The following RPH3A variants were observed in gnomAD, a reference collection of about 807,000 sequenced individuals.
RPH3A encodes rabphilin 3A.
A neutral mutation model predicts 102.2 loss-of-function variants in RPH3A; 48 were observed. That is an observed-to-expected ratio of 0.47 (90% CI 0.37 to 0.60). RPH3A has a LOEUF of 0.60. Among genes scored for constraint, RPH3A ranks in the 20% least tolerant of loss-of-function variants. The pLI, the probability that RPH3A is intolerant of heterozygous loss-of-function variation, is 0.00. For synonymous variants in RPH3A, 310 were observed against 324.3 expected, an observed-to-expected ratio of 0.96 and a Z score of 0.47; for missense variants, 781 against 910.1, an observed-to-expected ratio of 0.86 and a Z score of 1.83.
intron 4 of RPH3A, 106 bp from the exon 5 acceptor site, chr12:112,847,590 G>A: frequency 8.0e-7 from 1 of 1,252,060 alleles, no homozygotes; most frequent in Non-Finnish European, 1.1e-6. Context: ...GAAGCTCTGA[G>A]AGAGATGATC....
At chr12:112,796,076 A>T (rs2041222392) in intron 2 of RPH3A, among the ~76,000 whole-genome samples, 1 of 151,306 alleles carries the variant, frequency 6.6e-6, no homozygotes, top group Admixed American at 6.6e-5. Context: ...GCAGGTCCCC[A>T]TAACTCAGTT....
intron 1 of RPH3A, among the ~76,000 whole-genome samples, chr12:112,668,715 T>C (rs1313932207): frequency 6.6e-6 from 1 of 152,072 alleles, no homozygotes; most frequent in Non-Finnish European, 1.5e-5. Flanking sequence ...CACATGGGGC[T>C]TAAAACCTAG....
At position 112,896,909 on chromosome 12, in the gene RPH3A, T is replaced by A; in HGVS notation, c.*129T>A. 3.0e-6 allele frequency: 3 copies of A among 997,090 alleles called. No individual in the cohort carries two copies. Among genetic ancestry groups the A allele is most frequent in the Non-Finnish European group, 4.4e-6 (3 of 683,544 alleles). The allele number at this position is 997,090 out of a possible 1,614,324, so 61.8% of individuals were successfully genotyped here. A position where few individuals can be genotyped will look rare whatever the true frequency, so the allele number is the denominator to read the frequency against. On this transcript the variant is annotated 3_prime_UTR_variant, in exon 22 of 22. Transcript: ENST00000389385. ...CCCTGCTGATCTCCCTGAGCCTGCCTTTGAGCCCCCGTCACGTTGGGCACT... is the reference window on the plus strand; with the variant it reads ...CCCTGCTGATCTCCCTGAGCCTGCCATTGAGCCCCCGTCACGTTGGGCACT...
At chr12:112,891,060 A>G (rs2043087641) in intron 19 of RPH3A, 57 bp downstream of exon 19, 1 of 1,591,290 alleles carries the variant, frequency 6.3e-7, no homozygotes. Flanking sequence ...GAGCCTTGGA[A>G]AAGGAGAACC....
rs1271221176 is a variant in RPH3A at position 112,868,613 on chromosome 12, C to T, written c.610+18C>T. ...AGCTCGAGGTAGGACAAAACAGGTG[C>T]TTCTTTCAGGACCAAGGACAGATCT... On this transcript the variant is annotated intron_variant, in intron 8 of 21. Transcript: ENST00000389385. 6.2e-7 allele frequency: 1 copy of T among 1,611,220 alleles called. No homozygotes were observed. The highest frequency in any genetic ancestry group is 1.3e-5 in the African/African-American group (1 of 74,922).
intron 1 of RPH3A, among the ~76,000 whole-genome samples, chr12:112,621,007 A>T (rs1353567521): frequency 8.3e-4 from 118 of 142,020 alleles, no homozygotes; most frequent in African/African-American, 3.2e-3. Context: ...TTTTAACATT[A>T]TTATTTTTTT....
intron 6 of RPH3A, 60 bp from the exon 7 acceptor site, chr12:112,866,697 G>C: frequency 7.1e-7 from 1 of 1,414,754 alleles, no homozygotes; most frequent in Non-Finnish European, 9.9e-7. Flanking sequence ...GGGGGGCTAC[G>C]TTGCCATGCC....
At chr12:112,765,670 C>A (rs549739012) in intron 1 of RPH3A, among the ~76,000 whole-genome samples, 1 of 152,204 alleles carries the variant, frequency 6.6e-6, no homozygotes, top group African/African-American at 2.4e-5. Flanking sequence ...CAATGTACTG[C>A]TTCATGCAAT....
chr12:112,663,337 G>A (rs190424903), intron 1 of RPH3A, among the ~76,000 whole-genome samples: 1 of 152,050 alleles, frequency 6.6e-6, no homozygotes, highest in East Asian at 1.9e-4. Flanking sequence ...AGTCTCCTGA[G>A]TAGCTGGCAC....
At chr12:112,774,021 G>T (rs1192718401) in intron 1 of RPH3A, among the ~76,000 whole-genome samples, 3 of 140,216 alleles carry the variant, frequency 2.1e-5, no homozygotes, top group Admixed American at 7.8e-5. Context: ...GGAGGCGGAG[G>T]TTGCAGTGAG....
At chr12:112,681,729 G>T (rs1413810083) in intron 1 of RPH3A, among the ~76,000 whole-genome samples, 1 of 152,166 alleles carries the variant, frequency 6.6e-6, no homozygotes, top group Non-Finnish European at 1.5e-5. Context: ...TCCAAAGAAT[G>T]AGATAAAAAT....
intron 1 of RPH3A, among the ~76,000 whole-genome samples, chr12:112,746,200 C>T (rs528389167): frequency 5.9e-5 from 9 of 152,230 alleles, no homozygotes; most frequent in East Asian, 1.9e-4. Flanking sequence ...ACCTACTATG[C>T]GTTCATCCAC....
chr12:112,777,892 T>C (rs2040979665), intron 1 of RPH3A, among the ~76,000 whole-genome samples: 2 of 152,256 alleles, frequency 1.3e-5, no homozygotes, highest in Non-Finnish European at 1.5e-5. Flanking sequence ...TTGGAGCTTC[T>C]GTTTATTGAC....
At chr12:112,847,647 G>T (rs777809934) in intron 4 of RPH3A, 49 bp from the exon 5 acceptor site, 3 of 1,588,914 alleles carry the variant, frequency 1.9e-6, no homozygotes, top group South Asian at 1.1e-5. Flanking sequence ...GCAGGAATTT[G>T]AACTACTATT....
At position 112,868,491 on chromosome 12, in the gene RPH3A, C is replaced by G. The variant is rs1179086556; in HGVS notation, c.506C>G (p.Pro169Arg). Reference protein sequence around the residue: ...KGFPKQVLPQPMPIKKTKPQQ... With the variant: ...KGFPKQVLPQRMPIKKTKPQQ... Reference sequence around the variant, plus strand: ...TTCCCCAAACAGGTCCTCCCACAGCCTATGCCTATAAAGAAGACCAAGCCC... The same window carrying G: ...TTCCCCAAACAGGTCCTCCCACAGCGTATGCCTATAAAGAAGACCAAGCCC... The change falls in exon 8 of 22, where the codon CCT becomes CGT. Residue 169 changes from proline to arginine, a missense_variant. Transcript: ENST00000389385. 6.2e-7 allele frequency: 1 copy of G among 1,614,086 alleles called. No homozygotes were observed. The highest frequency in any genetic ancestry group is 1.3e-5 in the African/African-American group (1 of 74,934).
At chr12:112,805,135 C>G (rs910215217) in intron 2 of RPH3A, among the ~76,000 whole-genome samples, 3 of 152,078 alleles carry the variant, frequency 2.0e-5, no homozygotes, top group Non-Finnish European at 4.4e-5. Context: ...TGTATGGTAG[C>G]ATTTTTTTAA....
chr12:112,871,118 A>T (rs1329376409), intron 10 of RPH3A, among the ~76,000 whole-genome samples: 1 of 152,188 alleles, frequency 6.6e-6, no homozygotes, highest in African/African-American at 2.4e-5. Context: ...CAAAGCCTGT[A>T]CTTTTTCTTT....
chr12:112,648,611 G>GGCA (rs1444394892), intron 1 of RPH3A, among the ~76,000 whole-genome samples: 1 of 53,534 alleles, frequency 1.9e-5, no homozygotes, highest in African/African-American at 6.8e-5. Context: ...TAGGTGTTGT[G>GGCA]GCACATGTCT....
intron 1 of RPH3A, among the ~76,000 whole-genome samples, chr12:112,583,993 T>A (rs1389090365): frequency 1.3e-5 from 2 of 152,002 alleles, no homozygotes; most frequent in African/African-American, 4.8e-5. Context: ...CTCAAAAAAA[T>A]AAATAAATAC....
Sources: gnomAD v4.1 joint callset for allele counts (sites outside exome capture counted in the v4.1 genomes callset) on GRCh38, gnomAD v4.1.1 for gene constraint, MANE v1.5 for transcripts, NCBI Gene and HGNC (gene_info 2026-07-23, HGNC 2026-07-21) for gene names.